The following DSCAML1 variants were observed in gnomAD, a reference collection of about 807,000 sequenced individuals.
The protein encoded by DSCAML1 is DS cell adhesion molecule like 1, also known as cell adhesion molecule DSCAML1.
A neutral mutation model predicts 200.5 loss-of-function variants in DSCAML1; 38 were observed. The observed-to-expected ratio is 0.19, with a 90% CI of 0.15 to 0.25. The LOEUF (loss-of-function observed/expected upper bound fraction) is 0.25, where lower values mean the gene tolerates loss of function less well. Among genes scored for constraint, DSCAML1 ranks in the 10% least tolerant of loss-of-function variants. DSCAML1 has a pLI of 1.00. For synonymous variants in DSCAML1, 1,215 were observed against 1,165.0 expected (o/e 1.04, Z -0.87); for missense variants, 2,223 against 2,858.8 (o/e 0.78, Z 5.07).
At chr11:117,544,129 A>C (rs3802878) in intron 3 of DSCAML1, among the ~76,000 whole-genome samples, 2,876 of 152,286 alleles carry the variant, frequency 0.019, 50 homozygotes, top group East Asian at 0.078. Context: ...CTCTTGGAAG[A>C]GAAGAGCTAC....
In DSCAML1 at chr11:117,645,023, C is replaced by T. The variant is rs532048381; in HGVS notation, c.512-112501G>A. Among the ~76,000 whole-genome samples, 7 of 152,364 alleles carry T rather than the reference C, an allele frequency of 4.6e-5. No individual in the cohort carries two copies. The South Asian group carries it at 1.5e-3, about 32-fold the overall frequency. On this transcript the variant is annotated intron_variant, in intron 3 of 32. Coordinates refer to ENST00000651296, the MANE Select transcript of DSCAML1 (RefSeq NM_020693.4). ...CCCCCGGTGTGGGGCCCACGCTCCC[C>T]GAGGTGGGATGACCAGGCTCAGTAA...
chr11:117,800,033 A>T (rs768914888), upstream of DSCAML1, among the ~76,000 whole-genome samples: 9 of 152,232 alleles, frequency 5.9e-5, no homozygotes, highest in Non-Finnish European at 1.3e-4. Context: ...GTGCACACTG[A>T]GGCGGAAGAG....
At chr11:117,515,332 TC>T (rs1300993666) in intron 8 of DSCAML1, among the ~76,000 whole-genome samples, 1 of 151,992 alleles carries the variant, frequency 6.6e-6, no homozygotes, top group Non-Finnish European at 1.5e-5. Flanking sequence ...GGTATCCACC[TC>T]CCCAGCCTGG....
intron 8 of DSCAML1, among the ~76,000 whole-genome samples, chr11:117,515,590 A>G (rs1457769737): frequency 1.5e-5 from 2 of 137,038 alleles, no homozygotes; most frequent in Non-Finnish European, 1.6e-5. Context: ...GTGGATGTCA[A>G]GGGCCCAGGA....
chr11:117,538,602 CT>C (rs1391523103), intron 3 of DSCAML1, among the ~76,000 whole-genome samples: 1 of 152,206 alleles, frequency 6.6e-6, no homozygotes, highest in Non-Finnish European at 1.5e-5. Flanking sequence ...TCTTTTCTGT[CT>C]TTTTCTAAAA....
At chr11:117,660,939 G>C (rs2052836053) in intron 3 of DSCAML1, among the ~76,000 whole-genome samples, 1 of 152,132 alleles carries the variant, frequency 6.6e-6, no homozygotes, top group African/African-American at 2.4e-5. Flanking sequence ...CATCATTAAG[G>C]GTTCCTTTGA....
Position 117,601,329 on chromosome 11 carries a change from A to G in DSCAML1, c.512-68807T>C, listed in dbSNP as rs140763307. Among the ~76,000 whole-genome samples the G allele has an allele frequency of 9.0e-3, 1,372 of 152,280 alleles. 9 individuals carry two copies. The highest frequency in any genetic ancestry group is 0.031 in the Middle Eastern group (9 of 294). ...TCCTTTGCGGGCCTATCACAAAACC[A>G]GGGTTTGAAGACCACCAGGGTGTGT... On this transcript the variant is annotated intron_variant, in intron 3 of 32. Coordinates refer to ENST00000651296, the MANE Select transcript of DSCAML1 (RefSeq NM_020693.4).
intron 2 of DSCAML1, among the ~76,000 whole-genome samples, chr11:117,777,762 C>T (rs1049085733): frequency 3.3e-5 from 5 of 152,124 alleles, no homozygotes; most frequent in African/African-American, 7.2e-5. Context: ...GCTTCTAGGG[C>T]ATTGCCAACT....
intron 3 of DSCAML1, among the ~76,000 whole-genome samples, chr11:117,769,285 A>T: frequency 2.7e-3 from 7 of 2,628 alleles, no homozygotes; most frequent in Non-Finnish European, 0.017. Flanking sequence ...TATATTATAT[A>T]TTTTATATAT....
intron 3 of DSCAML1, among the ~76,000 whole-genome samples, chr11:117,666,894 C>A (rs1219633466): frequency 6.6e-6 from 1 of 152,164 alleles, no homozygotes; most frequent in African/African-American, 2.4e-5. Context: ...GTGGTAAGCT[C>A]TCCATAATGC....
In DSCAML1 at chr11:117,780,286, A is replaced by AAGAAAGAAAGAAAGAC. The variant is rs2055223638; in HGVS notation, c.364+206_364+207insGTCTTTCTTTCTTTCT. Among the ~76,000 whole-genome samples, 3 of 96,762 alleles carry AAGAAAGAAAGAAAGAC rather than the reference A, an allele frequency of 3.1e-5. No homozygotes were observed. The highest frequency in any genetic ancestry group is 9.9e-5 in the Admixed American group (1 of 10,130). The allele number at this position is 96,762 out of a possible 152,430, so 63.5% of individuals were successfully genotyped here. ...AAAGAAAGAAAGAAAGAAAGAAAGA[A>AAGAAAGAAAGAAAGAC]AGAAAGAAAGAAAGAAAGAGAGAAA... On this transcript the variant is annotated intron_variant, in intron 2 of 32. Transcript: ENST00000651296. The surrounding 1 kb of genome is among the most constrained non-coding windows in gnomAD (Gnocchi z 4.8).
chr11:117,776,883 T>C lies in DSCAML1; in HGVS notation c.419A>G (p.Asn140Ser). 6.2e-7 allele frequency: 1 copy of C among 1,614,162 alleles called. No homozygotes were observed. ...RVEDQRSMRGNVAVFKCLIPS... is the reference protein window; with the variant it reads ...RVEDQRSMRGSVAVFKCLIPS... ...GATGAGGCACTTGAAGACGGCCACGTTGCCACGCATTGACCTTTGATCCTC... is the reference window on the plus strand; with the variant it reads ...GATGAGGCACTTGAAGACGGCCACGCTGCCACGCATTGACCTTTGATCCTC... Residue 140 changes from asparagine (N) to serine (S), a missense_variant, in exon 3 of 33, where the codon AAC (asparagine) becomes AGC (serine). By Grantham distance (46) the Asn-to-Ser change is conservative. Around this residue, in one of 7 missense-constraint regions of DSCAML1, gnomAD observed 579 missense variants for 721.5 expected, o/e 0.80. Coordinates refer to ENST00000651296, the MANE Select transcript of DSCAML1 (RefSeq NM_020693.4).
At chr11:117,598,181 G>GA (rs1293657112) in intron 3 of DSCAML1, among the ~76,000 whole-genome samples, 1 of 152,148 alleles carries the variant, frequency 6.6e-6, no homozygotes, top group Non-Finnish European at 1.5e-5. Context: ...AAGAATAAGA[G>GA]ACTTGGAATG....
chr11:117,491,652 G>C (rs985552097), intron 11 of DSCAML1, among the ~76,000 whole-genome samples: 1 of 152,028 alleles, frequency 6.6e-6, no homozygotes, highest in Admixed American at 6.5e-5. Flanking sequence ...CGTGTGCCTG[G>C]AATCCCAGCT....
chr11:117,672,412 A>C (rs1273703113), intron 3 of DSCAML1, among the ~76,000 whole-genome samples: 2 of 151,946 alleles, frequency 1.3e-5, no homozygotes, highest in African/African-American at 4.8e-5. Context: ...CCCCAAACAC[A>C]TGGCTTTCCT....
intron 20 of DSCAML1, among the ~76,000 whole-genome samples, chr11:117,445,179 TATAAC>T (rs1302208403): frequency 5.9e-5 from 9 of 152,158 alleles, no homozygotes; most frequent in Non-Finnish European, 1.0e-4. Context: ...CCCAATAACT[TATAAC>T]AGGAGGAGAC....
At chr11:117,430,331 T>C (rs930847251) in intron 32 of DSCAML1, among the ~76,000 whole-genome samples, 2 of 152,236 alleles carry the variant, frequency 1.3e-5, no homozygotes, top group Non-Finnish European at 1.5e-5. Flanking sequence ...TGAAGGGATC[T>C]GTTTCCATCC....
chr11:117,800,214 T>C (rs1469479824), upstream of DSCAML1, among the ~76,000 whole-genome samples: 1 of 152,056 alleles, frequency 6.6e-6, no homozygotes, highest in East Asian at 1.9e-4. Flanking sequence ...GGAGTTGTAT[T>C]GGGGTGGGCA....
chr11:117,693,150 T>C (rs914118561), intron 3 of DSCAML1, among the ~76,000 whole-genome samples: 9 of 152,218 alleles, frequency 5.9e-5, no homozygotes, highest in African/African-American at 1.9e-4. Context: ...TGCCGTGGCA[T>C]TTCAGCAGCC....
Sources: allele counts gnomAD v4.1 joint callset (sites outside exome capture counted in the v4.1 genomes callset), GRCh38; gene constraint gnomAD v4.1.1; regional missense constraint gnomAD v4.1.1; non-coding constraint Gnocchi (gnomAD v3.1); transcripts MANE v1.5; gene names NCBI Gene and HGNC (gene_info 2026-07-23, HGNC 2026-07-21).